The following COMMD10 variants were observed in gnomAD, a reference collection of about 807,000 sequenced individuals.
COMMD10 encodes COMM domain-containing protein 10.
In COMMD10, 33 loss-of-function variants were observed where a neutral mutation model predicts 28.9. The ratio of observed to expected loss-of-function variants is 1.14; its 90% CI spans 0.87 to 1.53. The LOEUF is 1.53. Among genes scored for constraint, COMMD10 ranks in the 40% most tolerant of loss-of-function variants. COMMD10 has a pLI of 0.00. For missense variants in COMMD10, 310 were observed against 233.4 expected (o/e 1.33, Z -2.14); for synonymous variants, 110 against 81.7 (o/e 1.35, Z -1.87).
intron 5 of COMMD10, among the ~76,000 whole-genome samples, chr5:116,266,340 TA>T (rs1211097214): frequency 2.0e-5 from 3 of 151,844 alleles, no homozygotes; most frequent in African/African-American, 7.3e-5. Flanking sequence ...GTTAAGCTGT[TA>T]TATTTTTCTT....
intron 4 of COMMD10, among the ~76,000 whole-genome samples, chr5:116,100,710 A>G (rs9326987): frequency 0.51 from 77,589 of 151,702 alleles, 22,116 homozygotes; most frequent in Non-Finnish European, 0.65. Flanking sequence ...AGCTTTTTGC[A>G]GAATATGATT....
At chr5:116,253,469 C>T (rs1580585801) in intron 5 of COMMD10, among the ~76,000 whole-genome samples, 1 of 150,482 alleles carries the variant, frequency 6.6e-6, no homozygotes, top group East Asian at 1.9e-4. Context: ...GAAATATGTC[C>T]CATCAATACC....
In COMMD10 at chr5:116,257,256, G is replaced by C. The variant is rs137893512; in HGVS notation, c.511-34261G>C. ...TCATGTCAGTGCTCAAAAACTTTCAGATGTTGGAGCATTTCAGATTTCAGA... is the reference window on the plus strand; with the variant it reads ...TCATGTCAGTGCTCAAAAACTTTCACATGTTGGAGCATTTCAGATTTCAGA... On this transcript the variant is annotated intron_variant, in intron 5 of 6. Transcript: ENST00000274458. 1.3e-3 allele frequency among the ~76,000 whole-genome samples: 190 copies of C among 151,708 alleles called. 7 individuals carry two copies. Among genetic ancestry groups the C allele is most frequent in the African/African-American group, 4.1e-3 (167 of 41,196 alleles).
intron 6 of COMMD10, among the ~76,000 whole-genome samples, chr5:116,291,893 T>A (rs1751374374): frequency 6.6e-6 from 1 of 152,148 alleles, no homozygotes; most frequent in African/African-American, 2.4e-5. Context: ...ATACTTTAAT[T>A]TCTGGGCCCA....
chr5:116,258,781 A>G (rs1580591227), intron 5 of COMMD10, among the ~76,000 whole-genome samples: 1 of 151,538 alleles, frequency 6.6e-6, no homozygotes, highest in Admixed American at 6.6e-5. Context: ...CTACGCTAGG[A>G]TGCCATATTA....
intron 5 of COMMD10, among the ~76,000 whole-genome samples, chr5:116,150,464 T>A (rs1036354745): frequency 4.6e-5 from 7 of 151,960 alleles, no homozygotes; most frequent in Non-Finnish European, 1.0e-4. Context: ...GCTATTTTCA[T>A]GATATTGATT....
intron 4 of COMMD10, among the ~76,000 whole-genome samples, chr5:116,119,799 A>G (rs944386765): frequency 2.0e-5 from 3 of 152,076 alleles, no homozygotes; most frequent in African/African-American, 4.8e-5. Context: ...ACATTTTCAT[A>G]GAGACAGTGT....
At chr5:116,167,821 T>C (rs1561643973) in intron 5 of COMMD10, among the ~76,000 whole-genome samples, 1 of 152,010 alleles carries the variant, frequency 6.6e-6, no homozygotes, top group East Asian at 1.9e-4. Flanking sequence ...TTACAAGAGC[T>C]CCTGAAGGAA....
chr5:116,268,351 T>C lies in COMMD10; in HGVS notation c.511-23166T>C, dbSNP rs565244379. Among the ~76,000 whole-genome samples the C allele has an allele frequency of 4.3e-3, 658 of 151,754 alleles. 19 individuals are homozygous for C. Among genetic ancestry groups the C allele is most frequent in the African/African-American group, 0.015 (602 of 41,146 alleles). On this transcript the variant is annotated intron_variant, in intron 5 of 6. Coordinates refer to ENST00000274458, the MANE Select transcript of COMMD10 (RefSeq NM_016144.4). ...TGCAGCCAAAAAACACATGAAAAAA[T>C]GCTCATCATCACTGGCCATCAGACA... is the stretch of plus-strand genomic sequence containing the variant.
intron 4 of COMMD10, among the ~76,000 whole-genome samples, chr5:116,122,556 A>G (rs1278558512): frequency 6.6e-6 from 1 of 152,222 alleles, no homozygotes; most frequent in African/African-American, 2.4e-5. Context: ...CATTGAATCT[A>G]TAAATTACCT....
At position 116,220,825 on chromosome 5, in the gene COMMD10, C is replaced by A. The variant is rs1047862000; in HGVS notation, c.511-70692C>A. ...GTTTAAAAAATTATTTTAAAGGGAC[C>A]ATCTTTTAAATGAAACCCTCCCTAT... is the stretch of plus-strand genomic sequence containing the variant. On this transcript the variant is annotated intron_variant, in intron 5 of 6. Transcript: ENST00000274458. Among the ~76,000 whole-genome samples, 11 of 151,946 alleles carry A rather than the reference C, an allele frequency of 7.2e-5. No homozygotes were observed. In the East Asian group the frequency reaches 2.1e-3, roughly 29 times the overall value.
rs759762001 is a variant in COMMD10 at position 116,134,082 on chromosome 5, A to G, written c.414A>G (p.Gly138=). The stretch of plus-strand genomic sequence containing the variant: ...GTCTTTTATAGCTAGAGACCGTTGG[A>G]TGGCAGCTTAACCTTCAGATGGCTC... ...ILAPCKLETV[G]WQLNLQMAHS... The change falls in exon 5 of 7, where the codon GGA becomes GGG. Residue 138 remains glycine (G), a synonymous_variant. Transcript: ENST00000274458. 2 of 1,600,284 alleles carry G rather than the reference A, an allele frequency of 1.2e-6. No homozygotes were observed. Among genetic ancestry groups the G allele is most frequent in the East Asian group, 4.5e-5 (2 of 44,848 alleles).
chr5:116,268,664 A>G (rs984870235), intron 5 of COMMD10, among the ~76,000 whole-genome samples: 1 of 151,912 alleles, frequency 6.6e-6, no homozygotes, highest in African/African-American at 2.4e-5. Flanking sequence ...TTATTGCGGC[A>G]CTATTCACAA....
At chr5:116,275,786 C>T (rs1188993098) in intron 5 of COMMD10, among the ~76,000 whole-genome samples, 2 of 151,504 alleles carry the variant, frequency 1.3e-5, no homozygotes, top group African/African-American at 4.9e-5. Flanking sequence ...GTATGTAGAA[C>T]ATCAGATCCT....
At chr5:116,203,184 T>C (rs576916150) in intron 5 of COMMD10, among the ~76,000 whole-genome samples, 2 of 152,108 alleles carry the variant, frequency 1.3e-5, no homozygotes, top group South Asian at 4.2e-4. Context: ...AAGGAAAGTT[T>C]AGAGAAAAAA....
rs58266995 is a variant in COMMD10 at position 116,258,449 on chromosome 5, A to ATT, written c.511-33060_511-33059dup. On this transcript the variant is annotated intron_variant, in intron 5 of 6. Coordinates refer to ENST00000274458, the MANE Select transcript of COMMD10 (RefSeq NM_016144.4). ...ACCACATCTTTTTTTCTCTGGATTG[A>ATT]TTTTTTTTTGTTTTACTGGAGTTGA... is the stretch of plus-strand genomic sequence containing the variant. 1.5e-4 allele frequency among the ~76,000 whole-genome samples: 22 copies of ATT among 150,540 alleles called. 1 individual carries two copies. The highest frequency in any genetic ancestry group is 4.9e-4 in the African/African-American group (20 of 40,776).
chr5:116,180,197 T>G (rs535180813), intron 5 of COMMD10, among the ~76,000 whole-genome samples: 1 of 152,124 alleles, frequency 6.6e-6, no homozygotes. Flanking sequence ...CCTCTGTACA[T>G]TTTCAGTTAT....
chr5:116,143,074 T>C (rs1752243897), intron 5 of COMMD10, among the ~76,000 whole-genome samples: 1 of 150,228 alleles, frequency 6.7e-6, no homozygotes, highest in African/African-American at 2.4e-5. Flanking sequence ...TTTTGGTTTT[T>C]TTTTTTTTTT....
intron 5 of COMMD10, among the ~76,000 whole-genome samples, chr5:116,166,299 C>G (rs1753096061): frequency 6.6e-6 from 1 of 152,090 alleles, no homozygotes; most frequent in Non-Finnish European, 1.5e-5. Context: ...GGACTTGAAT[C>G]CAGATCTTCT....
Sources: gnomAD v4.1 joint callset for allele counts (sites outside exome capture counted in the v4.1 genomes callset) on GRCh38, gnomAD v4.1.1 for gene constraint, MANE v1.5 for transcripts, NCBI Gene and HGNC (gene_info 2026-07-23, HGNC 2026-07-21) for gene names.